Variants in PRAG1 observed in about 807,000 individuals in gnomAD.
PRAG1 encodes PEAK1 related, kinase-activating pseudokinase 1, also known as inactive tyrosine-protein kinase PRAG1.
Under a neutral mutation model 95.6 loss-of-function variants are expected in PRAG1, and 110 were observed. The ratio of observed to expected loss-of-function variants is 1.15; its 90% CI spans 0.99 to 1.35. The LOEUF is 1.35. PRAG1 is among the 40% of genes most tolerant of loss of function. The probability of loss-of-function intolerance (pLI) is 0.00; values close to 1 mark genes in which losing one functional copy is unlikely to be tolerated. For synonymous variants in PRAG1, 1,052 were observed against 819.4 expected, an observed-to-expected ratio of 1.28 and a Z score of -4.85; for missense variants, 2,554 against 1,864.7, an observed-to-expected ratio of 1.37 and a Z score of -6.81.
chr8:8,374,371 C>T (rs900455438), intron 3 of PRAG1, among the ~76,000 whole-genome samples: 5 of 152,170 alleles, frequency 3.3e-5, no homozygotes, highest in Non-Finnish European at 7.3e-5. Flanking sequence ...CTGAGGCAGG[C>T]AGATACAATT....
chr8:8,345,658 G>T (rs1264651448), intron 3 of PRAG1, among the ~76,000 whole-genome samples: 1 of 152,076 alleles, frequency 6.6e-6, no homozygotes, highest in Non-Finnish European at 1.5e-5. Flanking sequence ...AGCCAAGCAC[G>T]GTGGTGTATG....
chr8:8,330,340 T>A (rs538959601), intron 4 of PRAG1, among the ~76,000 whole-genome samples: 10 of 152,326 alleles, frequency 6.6e-5, no homozygotes, highest in Admixed American at 6.5e-4. Flanking sequence ...CACTCCCACC[T>A]GGGCTATAGA....
chr8:8,379,168 C>T (rs1302684238), intron 2 of PRAG1, among the ~76,000 whole-genome samples: 1 of 152,076 alleles, frequency 6.6e-6, no homozygotes, highest in Admixed American at 6.6e-5. Context: ...TGAACTGGAC[C>T]TGGGCTTCCT....
rs754615055 is a variant in PRAG1, at chr8:8,342,549, G to T, written c.2163-2914C>A. Among the ~76,000 whole-genome samples the T allele has an allele frequency of 8.7e-4, 133 of 152,216 alleles. 2 individuals are homozygous for T. Among genetic ancestry groups the T allele is most frequent in the Non-Finnish European group, 1.6e-3 (109 of 68,006 alleles). ...CATTATGTGTTCTCTGAAAGATTGC[G>T]AAAACTACCCTGTAAAACCATCAAG... On this transcript the variant is annotated intron_variant, in intron 3 of 5. Transcript: ENST00000615670.
At chr8:8,334,643 T>G (rs949918940) in intron 4 of PRAG1, among the ~76,000 whole-genome samples, 10 of 149,954 alleles carry the variant, frequency 6.7e-5, no homozygotes, top group African/African-American at 2.5e-4. Flanking sequence ...GAAAGCTCTG[T>G]CTCACTTTGG....
intron 4 of PRAG1, among the ~76,000 whole-genome samples, chr8:8,329,896 G>T (rs553041946): frequency 2.0e-5 from 3 of 152,186 alleles, no homozygotes; most frequent in Admixed American, 2.0e-4. Context: ...ATTAGTGAGC[G>T]ACAGCAGGGC....
chr8:8,371,772 G>C (rs763011697), intron 3 of PRAG1, among the ~76,000 whole-genome samples: 1 of 152,094 alleles, frequency 6.6e-6, no homozygotes, highest in Non-Finnish European at 1.5e-5. Context: ...CAGGAGGCTG[G>C]GGTGAGAGGA....
At chr8:8,358,844 A>C (rs898994689) in intron 3 of PRAG1, among the ~76,000 whole-genome samples, 1 of 152,224 alleles carries the variant, frequency 6.6e-6, no homozygotes, top group Admixed American at 6.5e-5. Context: ...CTAACAATCT[A>C]AAACTTTCCT....
chr8:8,362,821 C>A (rs1403950494), intron 3 of PRAG1, among the ~76,000 whole-genome samples: 1 of 152,182 alleles, frequency 6.6e-6, no homozygotes, highest in Non-Finnish European at 1.5e-5. Flanking sequence ...GGAGCTGGAC[C>A]TCACAGTCTA....
At chr8:8,374,152 T>C (rs759780990) in intron 3 of PRAG1, among the ~76,000 whole-genome samples, 2 of 152,190 alleles carry the variant, frequency 1.3e-5, no homozygotes, top group Non-Finnish European at 2.9e-5. Context: ...AGGTTTACAA[T>C]AGCAGGGTGT....
At position 8,381,764 on chromosome 8, in the gene PRAG1, G is replaced by C; in HGVS notation, c.-17C>G. On this transcript the variant is annotated 5_prime_UTR_variant, in exon 2 of 6. Coordinates refer to ENST00000615670, the MANE Select transcript of PRAG1 (RefSeq NM_001080826.3). ...CTGGTGCATCTTGAGCCGACAGGGTGCTGGTTCATCTTGCGCCCGGCTCTC... is the reference window on the plus strand; with the variant it reads ...CTGGTGCATCTTGAGCCGACAGGGTCCTGGTTCATCTTGCGCCCGGCTCTC... The C allele has an allele frequency of 6.4e-7, 1 of 1,554,384 alleles. No homozygotes were observed. The highest frequency in any genetic ancestry group is 8.7e-7 in the Non-Finnish European group (1 of 1,146,158).
At chr8:8,379,805 T>C (rs1375743389) in intron 2 of PRAG1, among the ~76,000 whole-genome samples, 2 of 152,184 alleles carry the variant, frequency 1.3e-5, no homozygotes, top group Non-Finnish European at 2.9e-5. Context: ...AGGTTACCTG[T>C]GGAATGAGCA....
chr8:8,361,353 T>C (rs7006376), intron 3 of PRAG1, among the ~76,000 whole-genome samples: 22,822 of 151,948 alleles, frequency 0.15, 1,873 homozygotes, highest in East Asian at 0.26. Context: ...GGTTATATGG[T>C]GGGAGGAAAT....
At chr8:8,351,028 ATTAG>A (rs1270586055) in intron 3 of PRAG1, among the ~76,000 whole-genome samples, 2 of 152,314 alleles carry the variant, frequency 1.3e-5, no homozygotes, top group Middle Eastern at 3.4e-3. Context: ...TACTGAGTGT[ATTAG>A]TTAGTTCTCT....
At chr8:8,351,584 G>C (rs111765362) in intron 3 of PRAG1, among the ~76,000 whole-genome samples, 1 of 152,280 alleles carries the variant, frequency 6.6e-6, no homozygotes, top group African/African-American at 2.4e-5. Flanking sequence ...AAAATCATGA[G>C]AAAGAGTTGA....
intron 3 of PRAG1, among the ~76,000 whole-genome samples, chr8:8,353,557 G>C (rs530297432): frequency 1.3e-5 from 2 of 152,192 alleles, no homozygotes; most frequent in Admixed American, 6.5e-5. Context: ...AGAAAAAGTA[G>C]TTCTAAGAGG....
In PRAG1 at chr8:8,342,809, GA is replaced by G. The variant is rs374524757; in HGVS notation, c.2163-3175del. On this transcript the variant is annotated intron_variant, in intron 3 of 5. Transcript: ENST00000615670. Reference sequence around the variant, plus strand: ...CACCCATTAAATTTTAAATTCATCAGAAAAAATAACGAGAAAACTTTATGAA... The same window carrying G: ...CACCCATTAAATTTTAAATTCATCAGAAAAATAACGAGAAAACTTTATGAA... 1.3e-4 allele frequency among the ~76,000 whole-genome samples: 20 copies of G among 152,004 alleles called. No homozygotes were observed. In the East Asian group the frequency reaches 1.9e-3, roughly 15 times the overall value.
intron 5 of PRAG1, among the ~76,000 whole-genome samples, chr8:8,324,275 A>G (rs560825955): frequency 1.3e-5 from 2 of 152,336 alleles, no homozygotes; most frequent in African/African-American, 4.8e-5. Flanking sequence ...GCCTGGGCCC[A>G]GCAAACACTT....
intron 4 of PRAG1, 56 bp from the exon 5 acceptor site, chr8:8,328,517 G>A: frequency 6.5e-7 from 1 of 1,539,470 alleles, no homozygotes; most frequent in Non-Finnish European, 8.8e-7. Context: ...CAATTCCAGG[G>A]TCCTGCAGAC....
Sources: allele counts gnomAD v4.1 joint callset (sites outside exome capture counted in the v4.1 genomes callset), GRCh38; gene constraint gnomAD v4.1.1; transcripts MANE v1.5; gene names NCBI Gene and HGNC (gene_info 2026-07-23, HGNC 2026-07-21).